The following HFM1 variants were observed in gnomAD, a reference collection of about 807,000 sequenced individuals.
HFM1 encodes helicase for meiosis 1.
In HFM1, 169 loss-of-function variants were observed where a neutral mutation model predicts 192.1. The observed-to-expected ratio is 0.88, with a 90% confidence interval of 0.78 to 1.00. The LOEUF (loss-of-function observed/expected upper bound fraction) is 1.00, where lower values mean the gene tolerates loss of function less well. Among genes scored for constraint, HFM1 ranks in the 50% least tolerant of loss-of-function variants. The probability of loss-of-function intolerance (pLI) is 0.00; values close to 1 mark genes in which losing one functional copy is unlikely to be tolerated. For missense variants in HFM1, 1,661 were observed against 1,668.0 expected, an observed-to-expected ratio of 1.00 and a Z score of 0.07; for synonymous variants, 525 against 537.8, an observed-to-expected ratio of 0.98 and a Z score of 0.33.
chr1:91,343,188 G>A (rs1276802604), intron 20 of HFM1, among the ~76,000 whole-genome samples: 1 of 120,606 alleles, frequency 8.3e-6, no homozygotes, highest in Non-Finnish European at 1.6e-5. Context: ...CTGAGATCTC[G>A]CCACTGCACT....
intron 20 of HFM1, among the ~76,000 whole-genome samples, chr1:91,341,368 G>C (rs1424700534): frequency 6.6e-6 from 1 of 152,104 alleles, no homozygotes; most frequent in East Asian, 1.9e-4. Flanking sequence ...CAGAAATCAA[G>C]ATACTCTTTG....
intron 34 of HFM1, among the ~76,000 whole-genome samples, chr1:91,271,993 T>C (rs1429855789): frequency 6.6e-6 from 1 of 152,164 alleles, no homozygotes; most frequent in Admixed American, 6.6e-5. Flanking sequence ...TGATTCAACA[T>C]GCTTTCTCAT....
At chr1:91,335,620 A>G (rs1420463481) in intron 20 of HFM1, among the ~76,000 whole-genome samples, 1 of 152,230 alleles carries the variant, frequency 6.6e-6, no homozygotes, top group African/African-American at 2.4e-5. Context: ...CAGGAAATTC[A>G]GGATATTTCA....
intron 23 of HFM1, among the ~76,000 whole-genome samples, chr1:91,319,912 G>T (rs1651834408): frequency 6.6e-6 from 1 of 152,182 alleles, no homozygotes; most frequent in Non-Finnish European, 1.5e-5. Context: ...GTGTATGAAG[G>T]TCAGTAGCAT....
chr1:91,372,748 T>C (rs902896692), intron 13 of HFM1, among the ~76,000 whole-genome samples: 3 of 151,852 alleles, frequency 2.0e-5, no homozygotes, highest in Non-Finnish European at 4.4e-5. Context: ...AAAAAGAAAA[T>C]TCATAAGAAT....
intron 38 of HFM1, 165 bp from the exon 39 acceptor site, chr1:91,261,524 T>C (rs758839756): frequency 1.0e-5 from 4 of 381,792 alleles, no homozygotes; most frequent in East Asian, 3.8e-5. Context: ...AGGAAGTCTG[T>C]TGGGGAAAAT....
intron 25 of HFM1, among the ~76,000 whole-genome samples, chr1:91,317,427 C>T (rs990787654): frequency 5.3e-5 from 8 of 151,960 alleles, no homozygotes; most frequent in African/African-American, 1.9e-4. Context: ...AACAAACAAA[C>T]AAACAACAAA....
intron 18 of HFM1, 65 bp downstream of exon 18, chr1:91,350,673 T>C: frequency 6.9e-7 from 1 of 1,443,420 alleles, no homozygotes; most frequent in Non-Finnish European, 9.6e-7. Context: ...CTGTAACTTA[T>C]TAGTATAAAT....
At chr1:91,405,458 G>T (rs1376211052), upstream of HFM1, among the ~76,000 whole-genome samples, 2 of 152,184 alleles carry the variant, frequency 1.3e-5, no homozygotes, top group African/African-American at 2.4e-5. Context: ...AATCAATGAT[G>T]CTTTTCTTAC....
chr1:91,351,688 T>G, intron 16 of HFM1, 45 bp from the exon 17 acceptor site: 1 of 996,994 alleles, frequency 1.0e-6, no homozygotes, highest in South Asian at 1.4e-5. Flanking sequence ...GAGCACATCT[T>G]GGTAGCAGTC....
At chr1:91,360,610 C>T (rs1204713751) in intron 13 of HFM1, among the ~76,000 whole-genome samples, 1 of 152,120 alleles carries the variant, frequency 6.6e-6, no homozygotes, top group African/African-American at 2.4e-5. Context: ...ACTTTAACAA[C>T]CCATTGACAA....
chr1:91,350,984 T>C, intron 17 of HFM1, 113 bp from the exon 18 acceptor site: 3 of 834,266 alleles, frequency 3.6e-6, no homozygotes, highest in Non-Finnish European at 5.1e-6. Flanking sequence ...TCATGAAATA[T>C]AACTTAATTT....
rs569603208 is a variant in HFM1 at position 91,320,449 on chromosome 1, TG to T, written c.2583-1060del. The stretch of plus-strand genomic sequence containing the variant: ...ATCAAAGAAGGAACTGATGGAAAAA[TG>T]TAAATGGGGTGCTTTTAAATGCTGG... On this transcript the variant is annotated intron_variant, in intron 23 of 38. Transcript: ENST00000370425. Among the ~76,000 whole-genome samples, 344 of 152,088 alleles carry T rather than the reference TG, an allele frequency of 2.3e-3. 1 individual carries two copies. Among genetic ancestry groups the T allele is most frequent in the African/African-American group, 7.9e-3 (326 of 41,472 alleles).
chr1:91,393,412 G>A (rs936116214), intron 4 of HFM1, among the ~76,000 whole-genome samples: 1 of 152,012 alleles, frequency 6.6e-6, no homozygotes, highest in African/African-American at 2.4e-5. Flanking sequence ...AAATCAACAT[G>A]TCCATATCTG....
At chr1:91,278,235 A>C (rs2100798455) in intron 30 of HFM1, among the ~76,000 whole-genome samples, 1 of 152,082 alleles carries the variant, frequency 6.6e-6, no homozygotes, top group Admixed American at 6.6e-5. Context: ...AATTTACAGG[A>C]AAGAGAGATT....
chr1:91,364,626 A>ATT (rs1468902149), intron 13 of HFM1, among the ~76,000 whole-genome samples: 1,796 of 42,918 alleles, frequency 0.042, 21 homozygotes, highest in Non-Finnish European at 0.048. Flanking sequence ...ATATATATAT[A>ATT]TATATATTTT....
intron 2 of HFM1, among the ~76,000 whole-genome samples, chr1:91,397,266 C>T (rs1663776485): frequency 6.6e-6 from 1 of 152,144 alleles, no homozygotes; most frequent in Non-Finnish European, 1.5e-5. Context: ...TCTTTATAAC[C>T]TATAGTAATT....
intron 30 of HFM1, among the ~76,000 whole-genome samples, chr1:91,290,324 C>T (rs1668593746): frequency 6.6e-6 from 1 of 152,160 alleles, no homozygotes; most frequent in Non-Finnish European, 1.5e-5. Context: ...GGCAGAGACA[C>T]ACATAGGCTT....
At chr1:91,388,403 A>T (rs1018077585) in intron 4 of HFM1, among the ~76,000 whole-genome samples, 1 of 152,190 alleles carries the variant, frequency 6.6e-6, no homozygotes, top group African/African-American at 2.4e-5. Context: ...GTTAGATGCC[A>T]AGTTGGTGTC....
Sources: gnomAD v4.1 joint callset for allele counts (sites outside exome capture counted in the v4.1 genomes callset) on GRCh38, gnomAD v4.1.1 for gene constraint, MANE v1.5 for transcripts, NCBI Gene and HGNC (gene_info 2026-07-23, HGNC 2026-07-21) for gene names.